The following MICU1 variants were observed in gnomAD, a reference collection of about 807,000 sequenced individuals.
The protein encoded by MICU1 is mitochondrial calcium uptake 1, also known as calcium uptake protein 1, mitochondrial.
In MICU1, 45 loss-of-function variants were observed where a neutral mutation model predicts 56.8. The ratio of observed to expected loss-of-function variants is 0.79; its 90% CI spans 0.62 to 1.02. MICU1 has a LOEUF of 1.02. Ranked by LOEUF, MICU1 falls within the 50% of genes least tolerant of loss-of-function variation. The probability of loss-of-function intolerance (pLI) is 0.00; values close to 1 mark genes in which losing one functional copy is unlikely to be tolerated. For missense variants in MICU1, 504 were observed against 587.1 expected, an observed-to-expected ratio of 0.86 and a Z score of 1.46; for synonymous variants, 186 against 195.1, an observed-to-expected ratio of 0.95 and a Z score of 0.39.
At chr10:72,450,078 CTCTCGTGAAAGT>C (rs1865246443) in intron 8 of MICU1, among the ~76,000 whole-genome samples, 2 of 152,028 alleles carry the variant, frequency 1.3e-5, no homozygotes, top group South Asian at 4.2e-4. Flanking sequence ...GGGCCCAACA[CTCTCGTGAAAGT>C]TCTCAGGGAG....
intron 10 of MICU1, among the ~76,000 whole-genome samples, chr10:72,404,602 TCAGATTCTA>T (rs1863569170): frequency 6.6e-6 from 1 of 152,174 alleles, no homozygotes; most frequent in African/African-American, 2.4e-5. Context: ...AAAGGGGATT[TCAGATTCTA>T]CAGACATCAA....
intron 8 of MICU1, among the ~76,000 whole-genome samples, chr10:72,470,713 G>T (rs992293194): frequency 1.3e-5 from 2 of 152,138 alleles, no homozygotes; most frequent in East Asian, 1.9e-4. Flanking sequence ...TTGATCGGGG[G>T]GGGTGAGGTG....
Position 72,477,482 on chromosome 10 carries a change from C to T in MICU1, c.653-226G>A, listed in dbSNP as rs549536271. On this transcript the variant is annotated intron_variant, in intron 6 of 11. Transcript: ENST00000361114. ...GTAGTACTACGGCCAGTAAAGACAG[C>T]ACTTGTCTACCTTTTTGTTTCAACA... 46 of 1,515,614 alleles carry T rather than the reference C, an allele frequency of 3.0e-5. No individual in the cohort carries two copies. The African/African-American group carries it at 4.8e-4, about 16-fold the overall frequency. The allele number at this position is 1,515,614 out of a possible 1,614,324, so 93.9% of individuals were successfully genotyped here. A position where few individuals can be genotyped will look rare whatever the true frequency, so the allele number is the denominator to read the frequency against.
At chr10:72,395,534 G>C (rs1034678866) in intron 10 of MICU1, among the ~76,000 whole-genome samples, 14 of 152,302 alleles carry the variant, frequency 9.2e-5, no homozygotes, top group Admixed American at 2.6e-4. Flanking sequence ...CTAGCCAAGG[G>C]AAGCCATGAC....
chr10:72,471,701 T>C (rs1005878965), intron 8 of MICU1, among the ~76,000 whole-genome samples: 1 of 152,192 alleles, frequency 6.6e-6, no homozygotes, highest in African/African-American at 2.4e-5. Context: ...ACATAATTAA[T>C]AAGGTAAATC....
chr10:72,518,306 T>C (rs961969763), intron 5 of MICU1, among the ~76,000 whole-genome samples: 3 of 152,138 alleles, frequency 2.0e-5, no homozygotes, highest in Non-Finnish European at 2.9e-5. Flanking sequence ...ACTGCTGGGA[T>C]TACAGGCGTG....
intron 8 of MICU1, among the ~76,000 whole-genome samples, chr10:72,456,269 C>T (rs918164885): frequency 2.6e-5 from 4 of 152,144 alleles, no homozygotes; most frequent in African/African-American, 4.8e-5. Context: ...CTGGGGAAGG[C>T]GGTGAGTATG....
Position 72,423,230 on chromosome 10 carries a change from CTACCTT to C in MICU1, c.1069_1071+3del. 6.2e-7 allele frequency: 1 copy of C among 1,611,788 alleles called. No homozygotes were observed. The highest frequency in any genetic ancestry group is 8.5e-7 in the Non-Finnish European group (1 of 1,178,928). On this transcript the variant is annotated splice_donor_variant and splice_donor_region_variant and coding_sequence_variant and intron_variant, in exon 9 of 12. Transcript: ENST00000361114. LOFTEE classifies it high-confidence loss of function. ...CTCTTCTTCCTCCAGCCAAAGCTACCTACCTTTCCTTCTTTGAAGTGCTTCTTGAGC... is the reference window on the plus strand; with the variant it reads ...CTCTTCTTCCTCCAGCCAAAGCTACCTCCTTCTTTGAAGTGCTTCTTGAGC...
intron 8 of MICU1, among the ~76,000 whole-genome samples, chr10:72,444,295 C>T (rs1051469958): frequency 3.3e-5 from 5 of 151,842 alleles, no homozygotes; most frequent in African/African-American, 4.8e-5. Flanking sequence ...GTGGGTGCAG[C>T]GTACCAGCAT....
chr10:72,564,544 G>GAAAAAAAAAAAAAAAAAAAAA (rs11465166), intron 2 of MICU1, among the ~76,000 whole-genome samples: 1 of 107,396 alleles, frequency 9.3e-6, no homozygotes, highest in African/African-American at 3.5e-5. Context: ...ATCTCAAAAA[G>GAAAAAAAAAAAAAAAAAAAAA]AAAAAAAAAA....
chr10:72,379,629 G>C, intron 10 of MICU1: 1 of 396,686 alleles, frequency 2.5e-6, no homozygotes, highest in South Asian at 1.8e-5. Context: ...ATGTCAGTGA[G>C]AGCTCTTGAC....
At chr10:72,558,589 A>G (rs186226525) in intron 3 of MICU1, among the ~76,000 whole-genome samples, 1 of 152,294 alleles carries the variant, frequency 6.6e-6, no homozygotes, top group African/African-American at 2.4e-5. Context: ...GCTCATTTAG[A>G]GCATTTTCCG....
intron 1 of MICU1, among the ~76,000 whole-genome samples, chr10:72,617,696 G>C (rs1842014819): frequency 6.6e-6 from 1 of 152,146 alleles, no homozygotes; most frequent in Non-Finnish European, 1.5e-5. Context: ...GCCAAGTGTG[G>C]TGGCACACAC....
At chr10:72,374,808 C>CTTTT (rs34228174) in intron 11 of MICU1, among the ~76,000 whole-genome samples, 985 of 77,228 alleles carry the variant, frequency 0.013, 155 homozygotes, top group African/African-American at 0.048. Flanking sequence ...CTACTATTAT[C>CTTTT]TTTTTTTTTT....
At chr10:72,557,595 A>G (rs1840189342) in intron 3 of MICU1, among the ~76,000 whole-genome samples, 1 of 152,250 alleles carries the variant, frequency 6.6e-6, no homozygotes, top group Non-Finnish European at 1.5e-5. Context: ...ATAAGGAGCA[A>G]GAGTTTTTAC....
intron 6 of MICU1, among the ~76,000 whole-genome samples, chr10:72,502,154 TTTTG>T (rs1867091876): frequency 9.7e-6 from 1 of 103,362 alleles, no homozygotes; most frequent in Non-Finnish European, 2.8e-5. Flanking sequence ...CTGTTTTTTT[TTTTG>T]TTTTTTTTTT....
In MICU1 at chr10:72,550,189, T is replaced by C. The variant is rs530669271; in HGVS notation, c.493+990A>G. The stretch of plus-strand genomic sequence containing the variant: ...TTTATAAAATCTACAGGTGCACTAT[T>C]TTCCATCTTTTATACCATATTTTTA... On this transcript the variant is annotated intron_variant, in intron 4 of 11. Coordinates refer to ENST00000361114, the MANE Select transcript of MICU1 (RefSeq NM_001195518.2). Among the ~76,000 whole-genome samples the C allele has an allele frequency of 7.2e-5, 11 of 152,342 alleles. 1 individual carries two copies. In the South Asian group the frequency reaches 2.3e-3, roughly 32 times the overall value.
chr10:72,545,525 C>A (rs1012447910), intron 4 of MICU1, among the ~76,000 whole-genome samples: 14 of 152,146 alleles, frequency 9.2e-5, no homozygotes, highest in Non-Finnish European at 1.9e-4. Flanking sequence ...TTCTGACTAG[C>A]AATTGGTTGA....
intron 5 of MICU1, chr10:72,532,798 GC>G: frequency 1.0e-6 from 1 of 953,142 alleles, no homozygotes; most frequent in Non-Finnish European, 1.2e-6. Flanking sequence ...TAGGCAGGTG[GC>G]CTTAGCTGAG....
Sources: gnomAD v4.1 joint callset for allele counts (sites outside exome capture counted in the v4.1 genomes callset) on GRCh38, gnomAD v4.1.1 for gene constraint, MANE v1.5 for transcripts, NCBI Gene and HGNC (gene_info 2026-07-23, HGNC 2026-07-21) for gene names.